Variants in EXOC6B observed in about 807,000 individuals in gnomAD.
EXOC6B encodes the protein exocyst complex component 6B, also known as SEC15 homolog B.
In EXOC6B, 54 loss-of-function variants were observed where a neutral mutation model predicts 113.5. The ratio of observed to expected loss-of-function variants is 0.48; its 90% CI spans 0.38 to 0.60. The LOEUF (loss-of-function observed/expected upper bound fraction) is 0.60. Ranked by LOEUF, EXOC6B falls within the 20% of genes least tolerant of loss-of-function variation. The pLI, the probability that EXOC6B is intolerant of heterozygous loss-of-function variation, is 0.00. For missense variants in EXOC6B, 797 were observed against 977.5 expected, an observed-to-expected ratio of 0.82 and a Z score of 2.46; for synonymous variants, 357 against 339.0, an observed-to-expected ratio of 1.05 and a Z score of -0.58.
At position 72,577,652 on chromosome 2, in the gene EXOC6B, C is replaced by T. The variant is rs1704959293; in HGVS notation, c.670-1984G>A. 1.3e-5 allele frequency among the ~76,000 whole-genome samples: 2 copies of T among 151,432 alleles called. 1 individual carries two copies. The highest frequency in any genetic ancestry group is 4.1e-4 in the South Asian group (2 of 4,820). ...GGCAGGAGGTGGTGAAGACTAAATA[C>T]TGATATAAATATATAAATACATATA... On this transcript the variant is annotated intron_variant, in intron 6 of 21. Transcript: ENST00000272427.
At chr2:72,387,645 A>T (rs570810083) in intron 18 of EXOC6B, among the ~76,000 whole-genome samples, 4 of 152,178 alleles carry the variant, frequency 2.6e-5, no homozygotes, top group South Asian at 4.2e-4. Context: ...AAAGTTGTTC[A>T]TATTTTACTT....
chr2:72,516,101 G>T (rs1701200484), intron 8 of EXOC6B, among the ~76,000 whole-genome samples: 1 of 152,130 alleles, frequency 6.6e-6, no homozygotes, highest in African/African-American at 2.4e-5. Flanking sequence ...TGGAATTCTA[G>T]CCTCCAAAAC....
rs544638045 is a variant in EXOC6B, at chr2:72,790,798, A to G, written c.113+35000T>C. ...ACTATATCTTTATGCTAAAATAGAA[A>G]ACAATATTAACCATACTTTCTGAAC... On this transcript the variant is annotated intron_variant, in intron 1 of 21. Transcript: ENST00000272427. Among the ~76,000 whole-genome samples, 4 of 152,326 alleles carry G rather than the reference A, an allele frequency of 2.6e-5. No homozygotes were observed. The South Asian group carries it at 8.3e-4, about 32-fold the overall frequency.
chr2:72,499,238 T>C (rs1700198128), intron 12 of EXOC6B, among the ~76,000 whole-genome samples: 2 of 151,788 alleles, frequency 1.3e-5, no homozygotes. Flanking sequence ...AGATTTTTTT[T>C]TTTTTTTTTT....
intron 6 of EXOC6B, among the ~76,000 whole-genome samples, chr2:72,700,962 T>A (rs999850906): frequency 6.6e-6 from 1 of 151,194 alleles, no homozygotes; most frequent in Admixed American, 6.6e-5. Context: ...ATTAAAATGG[T>A]AACTTTTATG....
At chr2:72,318,690 T>C (rs1687669602) in intron 20 of EXOC6B, among the ~76,000 whole-genome samples, 1 of 152,194 alleles carries the variant, frequency 6.6e-6, no homozygotes, top group African/African-American at 2.4e-5. Context: ...TCTTATTTGA[T>C]TGTAATACAG....
chr2:72,673,363 C>G (rs73945611), intron 6 of EXOC6B, among the ~76,000 whole-genome samples: 14 of 152,330 alleles, frequency 9.2e-5, no homozygotes, highest in African/African-American at 3.4e-4. Flanking sequence ...CAATAACCTG[C>G]CCAGCCGTTC....
At chr2:72,801,348 GCT>G (rs1267356487) in intron 1 of EXOC6B, among the ~76,000 whole-genome samples, 1 of 152,082 alleles carries the variant, frequency 6.6e-6, no homozygotes, top group African/African-American at 2.4e-5. Flanking sequence ...AGATAAGTGT[GCT>G]CTCTGTTTAT....
chr2:72,413,305 G>A (rs1042154437), intron 18 of EXOC6B, among the ~76,000 whole-genome samples: 1 of 151,952 alleles, frequency 6.6e-6, no homozygotes, highest in African/African-American at 2.4e-5. Flanking sequence ...ACCTGGAGGA[G>A]TTATTACAAC....
chr2:72,595,269 A>C (rs753964152), intron 6 of EXOC6B, among the ~76,000 whole-genome samples: 138 of 145,256 alleles, frequency 9.5e-4, no homozygotes, highest in Non-Finnish European at 1.5e-3. Flanking sequence ...TCAAATATAT[A>C]TATATAGATA....
chr2:72,513,007 A>G, intron 11 of EXOC6B, 125 bp downstream of exon 11: 1 of 1,122,466 alleles, frequency 8.9e-7, no homozygotes, highest in Non-Finnish European at 1.2e-6. Flanking sequence ...TATGTCTTTG[A>G]AGGACATCTA....
chr2:72,188,302 A>G (rs569162519), intron 20 of EXOC6B, among the ~76,000 whole-genome samples: 41 of 152,340 alleles, frequency 2.7e-4, no homozygotes, highest in African/African-American at 9.9e-4. Context: ...GCCAAAGTCA[A>G]TGCCAATGGT....
chr2:72,597,789 T>C (rs7558143), intron 6 of EXOC6B, among the ~76,000 whole-genome samples: 2,156 of 152,038 alleles, frequency 0.014, 53 homozygotes, highest in African/African-American at 0.049. Context: ...CTGGAGTCAC[T>C]ATATCATTTT....
rs1002926248 is a variant in EXOC6B, at chr2:72,629,979, T to C, written c.670-54311A>G. Among the ~76,000 whole-genome samples, 15 of 152,286 alleles carry C rather than the reference T, an allele frequency of 9.8e-5. 1 individual carries two copies. The South Asian group carries it at 2.9e-3, about 29-fold the overall frequency. On this transcript the variant is annotated intron_variant, in intron 6 of 21. Coordinates refer to ENST00000272427, the MANE Select transcript of EXOC6B (RefSeq NM_015189.3). ...TCCTCTTCTGAGATTCAGAAATACATTATGCTTTCTCTATTATAATACTCA... is the reference window on the plus strand; with the variant it reads ...TCCTCTTCTGAGATTCAGAAATACACTATGCTTTCTCTATTATAATACTCA...
At chr2:72,265,027 G>A (rs1448660438) in intron 20 of EXOC6B, among the ~76,000 whole-genome samples, 2 of 151,890 alleles carry the variant, frequency 1.3e-5, no homozygotes, top group Non-Finnish European at 2.9e-5. Flanking sequence ...AAGCGACTTT[G>A]GAACTAGGTA....
rs769117328 is a variant in EXOC6B at position 72,181,339 on chromosome 2, GGAA to G, written c.2310-1881_2310-1879del. 6.6e-5 allele frequency among the ~76,000 whole-genome samples: 10 copies of G among 152,302 alleles called. No homozygotes were observed. The South Asian group carries it at 1.9e-3, about 28-fold the overall frequency. ...ACATGTGGAGGCCTGTGCTTGGAAG[GGAA>G]GAAGAAGGGGAAGTGACTGCGCTAG... On this transcript the variant is annotated intron_variant, in intron 21 of 21. Coordinates refer to ENST00000272427, the MANE Select transcript of EXOC6B (RefSeq NM_015189.3).
At chr2:72,605,671 G>A (rs1670710003) in intron 6 of EXOC6B, among the ~76,000 whole-genome samples, 1 of 152,134 alleles carries the variant, frequency 6.6e-6, no homozygotes, top group Non-Finnish European at 1.5e-5. Flanking sequence ...ACTAGCACAT[G>A]TATATACTAA....
chr2:72,418,919 ATTAG>A (rs1055280064), intron 18 of EXOC6B, among the ~76,000 whole-genome samples: 23 of 151,792 alleles, frequency 1.5e-4, no homozygotes, highest in African/African-American at 4.6e-4. Flanking sequence ...TTTTTTTGTG[ATTAG>A]TTAATTTTTT....
chr2:72,309,374 C>T (rs1201115990), intron 20 of EXOC6B, among the ~76,000 whole-genome samples: 2 of 152,170 alleles, frequency 1.3e-5, no homozygotes, highest in African/African-American at 4.8e-5. Context: ...ATGCCCCTCA[C>T]TCAGGTGAGG....
Sources: gnomAD v4.1 joint callset for allele counts (sites outside exome capture counted in the v4.1 genomes callset) on GRCh38, gnomAD v4.1.1 for gene constraint, MANE v1.5 for transcripts, NCBI Gene and HGNC (gene_info 2026-07-23, HGNC 2026-07-21) for gene names.